The following PDE4D variants were observed in gnomAD, a reference collection of about 807,000 sequenced individuals.
PDE4D encodes 3',5'-cyclic-AMP phosphodiesterase 4D.
Under a neutral mutation model 87.4 loss-of-function variants are expected in PDE4D, and 24 were observed. That is an observed-to-expected ratio of 0.27 (90% confidence interval 0.20 to 0.39). PDE4D has a LOEUF of 0.39. PDE4D is among the 10% of genes least tolerant of loss of function. The probability of loss-of-function intolerance (pLI) is 1.00; values close to 1 mark genes in which losing one functional copy is unlikely to be tolerated. For synonymous variants in PDE4D, 384 were observed against 383.2 expected, an observed-to-expected ratio of 1.00 and a Z score of -0.02; for missense variants, 714 against 1,041.0, an observed-to-expected ratio of 0.69 and a Z score of 4.32.
At chr5:60,070,034 C>T (rs1305837841) in intron 2 of PDE4D, among the ~76,000 whole-genome samples, 1 of 152,046 alleles carries the variant, frequency 6.6e-6, no homozygotes, top group Non-Finnish European at 1.5e-5. Flanking sequence ...ATTTTGTACT[C>T]TGTAATTTCA....
chr5:59,377,417 C>CAAA (rs375685104), intron 1 of PDE4D, among the ~76,000 whole-genome samples: 10 of 97,528 alleles, frequency 1.0e-4, no homozygotes, highest in South Asian at 3.1e-4. Context: ...ACACCCATCT[C>CAAA]AAAAAAAAAA....
chr5:59,718,560 T>G (rs1755357787), intron 1 of PDE4D, among the ~76,000 whole-genome samples: 1 of 152,140 alleles, frequency 6.6e-6, no homozygotes, highest in Non-Finnish European at 1.5e-5. Flanking sequence ...ATAAAGTAAT[T>G]TTATCAGCAC....
At chr5:59,538,872 T>G (rs1815768995) in intron 1 of PDE4D, among the ~76,000 whole-genome samples, 1 of 152,182 alleles carries the variant, frequency 6.6e-6, no homozygotes, top group Admixed American at 6.6e-5. Context: ...AGTAATGTGG[T>G]AATGTCAAGA....
chr5:60,038,158 G>T (rs1768027368), intron 2 of PDE4D, among the ~76,000 whole-genome samples: 2 of 152,108 alleles, frequency 1.3e-5, no homozygotes, highest in Non-Finnish European at 2.9e-5. Flanking sequence ...TTTGGCTTTG[G>T]TTGCCATTGC....
intron 2 of PDE4D, among the ~76,000 whole-genome samples, chr5:60,027,090 A>G (rs944646578): frequency 1.3e-5 from 2 of 151,696 alleles, no homozygotes; most frequent in Non-Finnish European, 2.9e-5. Context: ...TTTTAATTTT[A>G]GATTCAGGAG....
At chr5:59,372,984 C>T (rs1467920652) in intron 1 of PDE4D, among the ~76,000 whole-genome samples, 6 of 151,210 alleles carry the variant, frequency 4.0e-5, no homozygotes, top group Non-Finnish European at 7.4e-5. Flanking sequence ...CACAATCAAA[C>T]CCTCAAGGTC....
intron 1 of PDE4D, among the ~76,000 whole-genome samples, chr5:59,650,910 GT>G (rs1362685493): frequency 2.0e-5 from 3 of 152,122 alleles, no homozygotes; most frequent in Non-Finnish European, 2.9e-5. Context: ...ATGTGTTGTA[GT>G]TTTTATAAAG....
intron 2 of PDE4D, among the ~76,000 whole-genome samples, chr5:60,037,737 G>A (rs952734479): frequency 2.0e-5 from 3 of 152,108 alleles, no homozygotes; most frequent in African/African-American, 7.2e-5. Flanking sequence ...CTATTTATGT[G>A]CAATATTGTT....
intron 1 of PDE4D, among the ~76,000 whole-genome samples, chr5:60,426,444 A>G (rs550667765): frequency 1.3e-5 from 2 of 151,860 alleles, no homozygotes; most frequent in Admixed American, 1.3e-4. Flanking sequence ...AAAACCAAAT[A>G]CCACATGTTC....
intron 1 of PDE4D, among the ~76,000 whole-genome samples, chr5:60,435,032 G>C (rs1048153854): frequency 2.0e-5 from 3 of 152,220 alleles, no homozygotes; most frequent in East Asian, 3.9e-4. Context: ...CAAGAAACTG[G>C]AAGGACAATT....
At chr5:60,067,553 T>C (rs1391547024) in intron 2 of PDE4D, among the ~76,000 whole-genome samples, 1 of 152,162 alleles carries the variant, frequency 6.6e-6, no homozygotes, top group Non-Finnish European at 1.5e-5. Context: ...TTTTAAAAAA[T>C]TGTGCTAAAA....
chr5:59,814,962 G>A (rs552789105), intron 1 of PDE4D, among the ~76,000 whole-genome samples: 1 of 152,278 alleles, frequency 6.6e-6, no homozygotes, highest in South Asian at 2.1e-4. Flanking sequence ...GAACAGCACA[G>A]AGTCTCAGAT....
At chr5:60,262,749 T>C (rs1749782604) in intron 1 of PDE4D, among the ~76,000 whole-genome samples, 1 of 152,196 alleles carries the variant, frequency 6.6e-6, no homozygotes, top group South Asian at 2.1e-4. Context: ...TCAACACTAC[T>C]TTCTAGCTTT....
chr5:59,377,621 CA>C (rs1025284565), intron 1 of PDE4D, among the ~76,000 whole-genome samples: 17 of 152,026 alleles, frequency 1.1e-4, no homozygotes, highest in Non-Finnish European at 1.9e-4. Flanking sequence ...GGAACTTAAA[CA>C]AATTTACAAG....
At chr5:59,293,210 A>C (rs891465838) in intron 1 of PDE4D, among the ~76,000 whole-genome samples, 5 of 152,280 alleles carry the variant, frequency 3.3e-5, no homozygotes, top group African/African-American at 9.6e-5. Context: ...TAAAGCAATA[A>C]TATGGCTTTC....
chr5:59,798,827 C>T (rs1230237254), intron 1 of PDE4D, among the ~76,000 whole-genome samples: 3 of 152,120 alleles, frequency 2.0e-5, no homozygotes, highest in Non-Finnish European at 2.9e-5. Flanking sequence ...AAGGAAGGGG[C>T]TCAGTTCTAC....
In PDE4D at chr5:59,065,858, C is replaced by T. The variant is rs540638177; in HGVS notation, c.809-26887G>A. Among the ~76,000 whole-genome samples the T allele has an allele frequency of 5.9e-5, 9 of 152,272 alleles. 1 individual carries two copies. In the South Asian group the frequency reaches 1.4e-3, roughly 25 times the overall value. ...GGACTCTCTTATAAGAAAGTCCATT[C>T]TATACCAATTTGTTTTGTTCCTTGG... On this transcript the variant is annotated intron_variant, in intron 5 of 14. Coordinates refer to ENST00000340635, the MANE Select transcript of PDE4D (RefSeq NM_001104631.2).
At chr5:60,208,912 G>T (rs1742855420) in intron 1 of PDE4D, among the ~76,000 whole-genome samples, 3 of 152,138 alleles carry the variant, frequency 2.0e-5, no homozygotes, top group African/African-American at 7.2e-5. Flanking sequence ...AAGACAGATG[G>T]GATCTACAGG....
chr5:59,574,104 T>TTA (rs1246363236), intron 1 of PDE4D, among the ~76,000 whole-genome samples: 67 of 5,176 alleles, frequency 0.013, 1 homozygote, highest in African/African-American at 0.024. Flanking sequence ...AAATATATAT[T>TTA]TATATATATA....
Sources: allele counts gnomAD v4.1 joint callset (sites outside exome capture counted in the v4.1 genomes callset), GRCh38; gene constraint gnomAD v4.1.1; transcripts MANE v1.5; gene names NCBI Gene and HGNC (gene_info 2026-07-23, HGNC 2026-07-21).